Variants in MBOAT2 observed in about 807,000 individuals in gnomAD.
MBOAT2 encodes the protein membrane-bound glycerophospholipid O-acyltransferase 2.
MBOAT2 carries 28 observed loss-of-function variants against 63.4 expected under a neutral mutation model. The ratio of observed to expected loss-of-function variants is 0.44; its 90% confidence interval spans 0.33 to 0.61. The LOEUF (loss-of-function observed/expected upper bound fraction) is 0.61, where lower values mean the gene tolerates loss of function less well. Ranked by LOEUF, MBOAT2 falls within the 20% of genes least tolerant of loss-of-function variation. MBOAT2 has a pLI of 0.03. For synonymous variants in MBOAT2, 211 were observed against 215.6 expected (o/e 0.98, Z 0.19); for missense variants, 470 against 605.8 (o/e 0.78, Z 2.35).
intron 2 of MBOAT2, among the ~76,000 whole-genome samples, chr2:8,955,887 ACT>A (rs1669179396): frequency 1.3e-5 from 2 of 152,104 alleles, no homozygotes; most frequent in Non-Finnish European, 2.9e-5. Context: ...AAAGCAAGAC[ACT>A]CTACCAACAA....
intron 1 of MBOAT2, among the ~76,000 whole-genome samples, chr2:8,960,344 C>G (rs1669520730): frequency 6.6e-6 from 1 of 152,170 alleles, no homozygotes; most frequent in Non-Finnish European, 1.5e-5. Context: ...CATGGGAAAT[C>G]TAAACATGCA....
intron 1 of MBOAT2, among the ~76,000 whole-genome samples, chr2:8,985,374 T>G (rs1388848479): frequency 1.3e-5 from 2 of 152,200 alleles, no homozygotes; most frequent in African/African-American, 4.8e-5. Flanking sequence ...TGGAATTCTT[T>G]AAAGATAAAA....
At chr2:8,906,202 G>C (rs1390928131) in intron 4 of MBOAT2, among the ~76,000 whole-genome samples, 1 of 152,194 alleles carries the variant, frequency 6.6e-6, no homozygotes, top group Non-Finnish European at 1.5e-5. Flanking sequence ...ACCTGCCTTG[G>C]CCTCCCAAAG....
intron 2 of MBOAT2, among the ~76,000 whole-genome samples, chr2:8,950,673 CG>C (rs1558648793): frequency 6.6e-6 from 1 of 152,148 alleles, no homozygotes; most frequent in Non-Finnish European, 1.5e-5. Flanking sequence ...ATGATCCACC[CG>C]TCTCGGCCTC....
At chr2:8,964,357 A>G (rs1669839277) in intron 1 of MBOAT2, among the ~76,000 whole-genome samples, 2 of 151,966 alleles carry the variant, frequency 1.3e-5, no homozygotes, top group Non-Finnish European at 1.5e-5. Flanking sequence ...ACATTTATCT[A>G]TGTTGATACA....
chr2:8,985,024 C>T (rs181188477), intron 1 of MBOAT2, among the ~76,000 whole-genome samples: 39 of 152,186 alleles, frequency 2.6e-4, no homozygotes, highest in African/African-American at 8.9e-4. Flanking sequence ...CCACTCCTGA[C>T]TAGTTTCCCT....
chr2:8,863,632 T>A (rs1030028227), intron 10 of MBOAT2, among the ~76,000 whole-genome samples: 8 of 152,136 alleles, frequency 5.3e-5, no homozygotes, highest in Admixed American at 4.6e-4. Flanking sequence ...TCTCTCCTCA[T>A]CCTCACCACA....
At chr2:8,968,468 G>C (rs1455470678) in intron 1 of MBOAT2, among the ~76,000 whole-genome samples, 12 of 152,234 alleles carry the variant, frequency 7.9e-5, no homozygotes, top group Non-Finnish European at 8.8e-5. Flanking sequence ...AAAAATCAGA[G>C]TGTCTCTCCC....
intron 4 of MBOAT2, among the ~76,000 whole-genome samples, chr2:8,902,130 C>G (rs574898463): frequency 2.0e-4 from 31 of 152,284 alleles, no homozygotes; most frequent in Non-Finnish European, 4.3e-4. Flanking sequence ...ACGCTCCCAA[C>G]TCCTAAGAGT....
At chr2:8,950,159 C>T (rs1668727072) in intron 2 of MBOAT2, among the ~76,000 whole-genome samples, 1 of 152,164 alleles carries the variant, frequency 6.6e-6, no homozygotes, top group African/African-American at 2.4e-5. Context: ...GATTTCTATA[C>T]ATCGATCTTG....
At chr2:8,932,525 T>C (rs1375699255) in intron 3 of MBOAT2, among the ~76,000 whole-genome samples, 1 of 152,182 alleles carries the variant, frequency 6.6e-6, no homozygotes. Flanking sequence ...AAAATATCTT[T>C]GTTTCTCCAA....
chr2:8,880,468 G>C (rs1663029622), intron 6 of MBOAT2, among the ~76,000 whole-genome samples: 1 of 152,228 alleles, frequency 6.6e-6, no homozygotes, highest in Non-Finnish European at 1.5e-5. Context: ...AACATGTTCT[G>C]TTCGAGCTGC....
At chr2:8,954,578 A>G (rs996580967) in intron 2 of MBOAT2, among the ~76,000 whole-genome samples, 10 of 152,020 alleles carry the variant, frequency 6.6e-5, no homozygotes, top group African/African-American at 1.9e-4. Context: ...CAGGAATGGG[A>G]GATGGCTTAA....
At chr2:8,893,511 T>C (rs1179403349) in intron 4 of MBOAT2, among the ~76,000 whole-genome samples, 1 of 152,224 alleles carries the variant, frequency 6.6e-6, no homozygotes, top group East Asian at 1.9e-4. Flanking sequence ...CAATAGTATC[T>C]GAGACACAGC....
At chr2:8,889,868 C>T (rs528167719) in intron 4 of MBOAT2, among the ~76,000 whole-genome samples, 66 of 152,192 alleles carry the variant, frequency 4.3e-4, no homozygotes, top group Admixed American at 1.3e-3. Context: ...CCCACTTGGG[C>T]CCCTGAACCC....
chr2:8,869,209 T>TATA (rs1491473711), intron 8 of MBOAT2, among the ~76,000 whole-genome samples: 1 of 105,274 alleles, frequency 9.5e-6, no homozygotes, highest in African/African-American at 3.6e-5. Context: ...ATCATGCCTA[T>TATA]TTTTTTTTTT....
chr2:8,885,422 A>C (rs996379386), intron 5 of MBOAT2, among the ~76,000 whole-genome samples: 8 of 152,238 alleles, frequency 5.3e-5, no homozygotes, highest in African/African-American at 1.9e-4. Flanking sequence ...ATCTCATTAC[A>C]TGTATGCAAA....
chr2:8,858,953 C>T, intron 12 of MBOAT2, 49 bp from the exon 13 acceptor site: 1 of 1,345,266 alleles, frequency 7.4e-7, no homozygotes, highest in Middle Eastern at 2.4e-4. Context: ...ATTAATAATC[C>T]TTAATAACTG....
rs562365155 is a variant in MBOAT2 at position 8,914,033 on chromosome 2, G to T, written c.300-5317C>A. Reference sequence around the variant, plus strand: ...TAACAGCATTTGCAGTAACCTGGATGAGACTGGAGACTATTATTCTAAGTG... The same window carrying T: ...TAACAGCATTTGCAGTAACCTGGATTAGACTGGAGACTATTATTCTAAGTG... On this transcript the variant is annotated intron_variant, in intron 3 of 12. Coordinates refer to ENST00000305997, the MANE Select transcript of MBOAT2 (RefSeq NM_138799.4). Among the ~76,000 whole-genome samples, 20 of 152,336 alleles carry T rather than the reference G, an allele frequency of 1.3e-4. 1 individual carries two copies. Among genetic ancestry groups the T allele is most frequent in the African/African-American group, 4.6e-4 (19 of 41,584 alleles).
Sources: gnomAD v4.1 joint callset for allele counts (sites outside exome capture counted in the v4.1 genomes callset) on GRCh38, gnomAD v4.1.1 for gene constraint, MANE v1.5 for transcripts, NCBI Gene and HGNC (gene_info 2026-07-23, HGNC 2026-07-21) for gene names.